The following SLC7A8 variants were observed in gnomAD, a reference collection of about 807,000 sequenced individuals.
The protein encoded by SLC7A8 is solute carrier family 7 member 8, also known as large neutral amino acids transporter small subunit 2.
In SLC7A8, 30 loss-of-function variants were observed where a neutral mutation model predicts 51.2. The ratio of observed to expected loss-of-function variants is 0.59; its 90% CI spans 0.44 to 0.80. The LOEUF (loss-of-function observed/expected upper bound fraction) is 0.80. SLC7A8 is among the 30% of genes least tolerant of loss of function. The pLI, the probability that SLC7A8 is intolerant of heterozygous loss-of-function variation, is 0.00. For synonymous variants in SLC7A8, 257 were observed against 275.8 expected (o/e 0.93, Z 0.67); for missense variants, 612 against 674.4 (o/e 0.91, Z 1.03).
intron 3 of SLC7A8, among the ~76,000 whole-genome samples, chr14:23,147,699 A>G (rs2048810330): frequency 6.6e-6 from 1 of 152,148 alleles, no homozygotes; most frequent in African/African-American, 2.4e-5. Flanking sequence ...AAAAAATAAG[A>G]TGAAAGACTA....
intron 7 of SLC7A8, 54 bp from the exon 8 acceptor site, chr14:23,131,611 C>T (rs1355711927): frequency 5.7e-6 from 8 of 1,410,328 alleles, no homozygotes; most frequent in Non-Finnish European, 6.7e-6. Context: ...CACCAAGCCC[C>T]AGCTCCTTCA....
intron 3 of SLC7A8, among the ~76,000 whole-genome samples, chr14:23,147,109 G>A (rs114994303): frequency 1.1e-3 from 9 of 7,892 alleles, no homozygotes; most frequent in Non-Finnish European, 2.5e-3. Context: ...ATCCATCATA[G>A]ATCCATTCAC....
intron 3 of SLC7A8, among the ~76,000 whole-genome samples, chr14:23,144,959 G>A (rs1180934265): frequency 1.4e-5 from 2 of 147,136 alleles, no homozygotes; most frequent in Non-Finnish European, 3.0e-5. Flanking sequence ...CTGAGACGGA[G>A]TCTCACTCTG....
Position 23,139,432 on chromosome 14 carries a change from C to T in SLC7A8, c.904G>A (p.Val302Ile), listed in dbSNP as rs142951280. The change falls in exon 6 of 11, where the codon GTC becomes ATC. Residue 302 changes from valine to isoleucine, a missense_variant. By Grantham distance (29) the Val-to-Ile change is conservative. Transcript: ENST00000316902. ...SPQELLASNA[V>I]AVTFGEKLLG... Reference sequence around the variant, plus strand: ...GGACTTTCATTTCTTACCACAGCGACGGCGTTGGATGCCAGCAGCTCCTGG... The same window carrying T: ...GGACTTTCATTTCTTACCACAGCGATGGCGTTGGATGCCAGCAGCTCCTGG... 1.1e-3 allele frequency: 1,838 copies of T among 1,614,020 alleles called. 3 individuals carry two copies. Among genetic ancestry groups the T allele is most frequent in the Non-Finnish European group, 1.5e-3 (1,757 of 1,179,932 alleles).
rs957252571 is a variant in SLC7A8 at position 23,127,080 on chromosome 14, G to A, written c.*97C>T. ...TACCACTGCCTGACAAAAGCAGAGA[G>A]AGGGGTGTGTGTGTACTCGCATGTG... On this transcript the variant is annotated 3_prime_UTR_variant, in exon 11 of 11. Transcript: ENST00000316902. 6 of 1,433,658 alleles carry A rather than the reference G, an allele frequency of 4.2e-6. No homozygotes were observed. Among genetic ancestry groups the A allele is most frequent in the Admixed American group, 1.8e-5 (1 of 55,866 alleles). 88.8% of individuals were successfully genotyped at this position (1,433,658 alleles called of 1,614,324 possible).
rs148060289 is a variant in SLC7A8 at position 23,143,193 on chromosome 14, A to G, written c.520T>C (p.Trp174Arg). Residue 174 changes from tryptophan (W) to arginine (R), a missense_variant, in exon 4 of 11, where the codon TGG (tryptophan) becomes CGG (arginine). Trp to Arg is a moderately radical substitution (Grantham distance 101). Transcript: ENST00000316902. ...CACCGCACACTGGAACAGTTGACCC[A>G]TGTGAGGAGCACTGAAATGAAAGAC... ...LAAICLLLLT[W>R]VNCSSVRWAT... 1.9e-4 allele frequency: 310 copies of G among 1,614,096 alleles called. No individual in the cohort carries two copies. Among genetic ancestry groups the G allele is most frequent in the Non-Finnish European group, 2.5e-4 (299 of 1,180,042 alleles).
chr14:23,137,412 T>C (rs1229087606), intron 7 of SLC7A8, among the ~76,000 whole-genome samples: 6 of 152,266 alleles, frequency 3.9e-5, no homozygotes, highest in African/African-American at 1.4e-4. Flanking sequence ...AGCTCTGCAT[T>C]CTTGGGGCAA....
intron 7 of SLC7A8, among the ~76,000 whole-genome samples, chr14:23,132,792 C>T (rs543659166): frequency 8.4e-4 from 128 of 152,234 alleles, no homozygotes; most frequent in Non-Finnish European, 1.6e-3. Context: ...TGCGCCACCA[C>T]ACCCAGCTAA....
chr14:23,163,362 G>T (rs1052229963), intron 3 of SLC7A8, among the ~76,000 whole-genome samples: 1 of 152,202 alleles, frequency 6.6e-6, no homozygotes. Context: ...GCAGGCGCAG[G>T]CAGCCTGGTT....
At chr14:23,153,512 A>C (rs2031244181) in intron 3 of SLC7A8, among the ~76,000 whole-genome samples, 2 of 152,172 alleles carry the variant, frequency 1.3e-5, no homozygotes, top group Non-Finnish European at 2.9e-5. Context: ...GTCTGTCACC[A>C]AGACACTGGT....
chr14:23,160,381 C>T (rs1470879658), intron 3 of SLC7A8, among the ~76,000 whole-genome samples: 1 of 152,066 alleles, frequency 6.6e-6, no homozygotes, highest in Non-Finnish European at 1.5e-5. Context: ...ACCATTCTGG[C>T]TAACAAGGTG....
In SLC7A8 at chr14:23,166,343, GT is replaced by G; in HGVS notation, c.348del (p.Leu117TrpfsTer5). On this transcript the variant is annotated frameshift_variant, in exon 2 of 11. Coordinates refer to ENST00000316902, the MANE Select transcript of SLC7A8 (RefSeq NM_012244.4). LOFTEE classifies it high-confidence loss of function. ...CTCCACAGATCCTCTTACCCAGCCA[GT>G]CCTCCGAAGATGTCCTTGACATAGG... ...DYSYVKDIFGGLAGFLRLWIA... is the reference protein window; with the variant it reads ...DYSYVKDIFGXLAGFLRLWIA... The G allele has an allele frequency of 6.2e-7, 1 of 1,613,486 alleles. No homozygotes were observed.
chr14:23,127,484 A>C, intron 10 of SLC7A8, 141 bp from the exon 11 acceptor site: 1 of 954,418 alleles, frequency 1.0e-6, no homozygotes, highest in Non-Finnish European at 1.6e-6. Flanking sequence ...AATCCTCGCC[A>C]CCTGGTCTGC....
chr14:23,160,596 C>T (rs1202157413), intron 3 of SLC7A8, among the ~76,000 whole-genome samples: 2 of 150,296 alleles, frequency 1.3e-5, no homozygotes, highest in African/African-American at 4.9e-5. Flanking sequence ...AAAGGGCACG[C>T]TGTAGGAATA....
intron 1 of SLC7A8, among the ~76,000 whole-genome samples, chr14:23,179,253 A>C (rs564329842): frequency 2.2e-4 from 33 of 152,102 alleles, no homozygotes; most frequent in Non-Finnish European, 4.0e-4. Context: ...CATGTCATTA[A>C]TTTTGAATGT....
chr14:23,140,708 C>T (rs1362519381), intron 4 of SLC7A8, 84 bp from the exon 5 acceptor site: 1 of 1,336,096 alleles, frequency 7.5e-7, no homozygotes, highest in East Asian at 2.3e-5. Context: ...CCACCTCTCA[C>T]CCCTCCCTGT....
chr14:23,131,922 T>C (rs761223698), intron 7 of SLC7A8, among the ~76,000 whole-genome samples: 5 of 152,114 alleles, frequency 3.3e-5, no homozygotes, highest in African/African-American at 4.8e-5. Context: ...TTAAAAGCAT[T>C]CCTCACATCC....
intron 1 of SLC7A8, among the ~76,000 whole-genome samples, chr14:23,170,084 C>A (rs74036934): frequency 0.022 from 3,352 of 152,274 alleles, 132 homozygotes; most frequent in African/African-American, 0.076. Context: ...ATATCCATTA[C>A]CTTACTTGAT....
intron 3 of SLC7A8, chr14:23,154,449 A>C: frequency 7.1e-6 from 7 of 987,678 alleles, no homozygotes; most frequent in Non-Finnish European, 8.4e-6. Context: ...GGGTGTGGCT[A>C]CGCTCGGCTC....
Sources: allele counts gnomAD v4.1 joint callset (sites outside exome capture counted in the v4.1 genomes callset), GRCh38; gene constraint gnomAD v4.1.1; transcripts MANE v1.5; gene names NCBI Gene and HGNC (gene_info 2026-07-23, HGNC 2026-07-21).